GRID1: variants seen among roughly 807,000 people sequenced by gnomAD.
GRID1 encodes glutamate ionotropic receptor delta type subunit 1, also known as glutamate receptor ionotropic, delta-1.
In GRID1, 28 loss-of-function variants were observed where a neutral mutation model predicts 98.0. That is an observed-to-expected ratio of 0.29 (90% confidence interval 0.21 to 0.39). GRID1 has a LOEUF of 0.39. GRID1 is among the 10% of genes least tolerant of loss of function. GRID1 has a pLI of 1.00. For missense variants in GRID1, 1,111 were observed against 1,340.5 expected, an observed-to-expected ratio of 0.83 and a Z score of 2.67; for synonymous variants, 553 against 538.5, an observed-to-expected ratio of 1.03 and a Z score of -0.37.
At chr10:86,199,710 A>G (rs973752773) in intron 3 of GRID1, among the ~76,000 whole-genome samples, 1 of 152,152 alleles carries the variant, frequency 6.6e-6, no homozygotes, top group African/African-American at 2.4e-5. Context: ...CGCCTGGGTC[A>G]TCTGGGAAAT....
intron 8 of GRID1, among the ~76,000 whole-genome samples, chr10:85,773,551 A>T (rs1842296360): frequency 6.6e-6 from 1 of 152,212 alleles, no homozygotes; most frequent in South Asian, 2.1e-4. Flanking sequence ...TTTGCAGATG[A>T]CATGATTGTA....
chr10:85,948,761 T>C (rs1842082464), intron 4 of GRID1, among the ~76,000 whole-genome samples: 1 of 152,232 alleles, frequency 6.6e-6, no homozygotes, highest in African/African-American at 2.4e-5. Flanking sequence ...AAAAAGATCC[T>C]GTTTTTTTGA....
chr10:86,238,814 C>T lies in GRID1; in HGVS notation c.236-32166G>A, dbSNP rs114789452. ...GCGAGTTGAGGCTTGGGAGCCTCCA[C>T]CTAGATTTCAAAGGATGTATGAAAA... On this transcript the variant is annotated intron_variant, in intron 2 of 15. Transcript: ENST00000327946. Among the ~76,000 whole-genome samples the T allele has an allele frequency of 9.7e-3, 1,474 of 152,264 alleles. 20 individuals are homozygous for T. The highest frequency in any genetic ancestry group is 0.033 in the African/African-American group (1,356 of 41,542).
chr10:85,818,929 C>G (rs1423037107), intron 8 of GRID1, among the ~76,000 whole-genome samples: 1 of 151,998 alleles, frequency 6.6e-6, no homozygotes, highest in Non-Finnish European at 1.5e-5. Context: ...CCATGTTGAC[C>G]AGGCTGGTCT....
intron 2 of GRID1, among the ~76,000 whole-genome samples, chr10:86,207,196 T>C (rs952488477): frequency 1.3e-5 from 2 of 151,978 alleles, no homozygotes; most frequent in African/African-American, 4.8e-5. Flanking sequence ...ACCCAAGATG[T>C]AGGAAAAAAA....
At chr10:86,052,473 C>T (rs761832693) in intron 4 of GRID1, 17 of 152,160 alleles carry the variant, frequency 1.1e-4, no homozygotes, top group Non-Finnish European at 1.9e-4. Flanking sequence ...ACCCTGAACA[C>T]GCCTTGTCTC....
intron 8 of GRID1, among the ~76,000 whole-genome samples, chr10:85,804,357 A>G (rs1842603465): frequency 6.6e-6 from 1 of 151,952 alleles, no homozygotes; most frequent in Non-Finnish European, 1.5e-5. Context: ...ATAGACCTGT[A>G]ACAATTAAAG....
intron 4 of GRID1, among the ~76,000 whole-genome samples, chr10:86,111,301 C>T (rs1844478876): frequency 6.6e-6 from 1 of 152,184 alleles, no homozygotes; most frequent in African/African-American, 2.4e-5. Flanking sequence ...AATCCACCCA[C>T]CATGAGAACA....
At chr10:85,628,747 T>C (rs900180122) in intron 13 of GRID1, among the ~76,000 whole-genome samples, 1 of 152,138 alleles carries the variant, frequency 6.6e-6, no homozygotes, top group African/African-American at 2.4e-5. Context: ...GGACAAGAGA[T>C]TGCAGCTGAA....
chr10:85,923,885 G>A (rs943133061), intron 4 of GRID1, among the ~76,000 whole-genome samples: 11 of 152,180 alleles, frequency 7.2e-5, no homozygotes, highest in Non-Finnish European at 1.3e-4. Context: ...AGGGCCTTCT[G>A]CAAAATCTGA....
chr10:86,113,260 T>A (rs1487101962), intron 4 of GRID1, among the ~76,000 whole-genome samples: 1 of 152,158 alleles, frequency 6.6e-6, no homozygotes, highest in Non-Finnish European at 1.5e-5. Flanking sequence ...CTAGCCCACA[T>A]AACCCCAGGT....
intron 6 of GRID1, among the ~76,000 whole-genome samples, chr10:85,865,543 A>C (rs1843206765): frequency 1.3e-5 from 2 of 152,206 alleles, no homozygotes; most frequent in African/African-American, 4.8e-5. Context: ...GATGGACTGG[A>C]GAGCTCCATT....
chr10:86,184,644 CA>C (rs2132003890), intron 3 of GRID1, among the ~76,000 whole-genome samples: 1 of 152,086 alleles, frequency 6.6e-6, no homozygotes, highest in South Asian at 2.1e-4. Flanking sequence ...TATGTTCACA[CA>C]AAAACACACT....
intron 4 of GRID1, among the ~76,000 whole-genome samples, chr10:86,017,342 A>G (rs1016586446): frequency 6.6e-6 from 1 of 152,210 alleles, no homozygotes; most frequent in African/African-American, 2.4e-5. Flanking sequence ...GGCACACAGC[A>G]AGTGCTCAGA....
intron 13 of GRID1, among the ~76,000 whole-genome samples, chr10:85,640,376 C>T (rs1843101055): frequency 6.6e-6 from 1 of 152,202 alleles, no homozygotes; most frequent in African/African-American, 2.4e-5. Context: ...AGGGCTCTTG[C>T]TGTTATAGAG....
intron 8 of GRID1, among the ~76,000 whole-genome samples, chr10:85,757,252 C>T (rs1842108156): frequency 6.6e-6 from 1 of 152,210 alleles, no homozygotes; most frequent in Admixed American, 6.5e-5. Flanking sequence ...TGAGGAACAC[C>T]TTCCTGGTCA....
intron 4 of GRID1, among the ~76,000 whole-genome samples, chr10:86,102,435 G>A (rs1844309752): frequency 6.6e-6 from 1 of 152,230 alleles, no homozygotes; most frequent in African/African-American, 2.4e-5. Context: ...CTGAAGAAAG[G>A]GTCACAGGCC....
intron 2 of GRID1, among the ~76,000 whole-genome samples, chr10:86,302,801 A>T (rs770731826): frequency 5.3e-5 from 8 of 152,346 alleles, no homozygotes; most frequent in Middle Eastern, 6.8e-3. Context: ...TTAGTTACTC[A>T]AGGTGTATTT....
intron 3 of GRID1, among the ~76,000 whole-genome samples, chr10:86,184,891 A>G (rs1845707600): frequency 6.6e-6 from 1 of 152,194 alleles, no homozygotes; most frequent in Non-Finnish European, 1.5e-5. Context: ...ATGTAGTGAA[A>G]TCGAAATTGA....
Sources: allele counts gnomAD v4.1 joint callset (sites outside exome capture counted in the v4.1 genomes callset), GRCh38; gene constraint gnomAD v4.1.1; transcripts MANE v1.5; gene names NCBI Gene and HGNC (gene_info 2026-07-23, HGNC 2026-07-21).